BLCAP: variants seen among roughly 807,000 people sequenced by gnomAD.
The protein encoded by BLCAP is BLCAP apoptosis inducing factor, also known as apoptosis inducing factor BLCAP.
Under a neutral mutation model 5.7 loss-of-function variants are expected in BLCAP, and 1 was observed. The ratio of observed to expected loss-of-function variants is 0.18; its 90% CI spans 0.06 to 0.83. The LOEUF (loss-of-function observed/expected upper bound fraction) is 0.83, where lower values mean the gene tolerates loss of function less well. BLCAP is among the 40% of genes least tolerant of loss of function. The pLI is 0.71. For missense variants in BLCAP, 66 were observed against 107.6 expected, an observed-to-expected ratio of 0.61 and a Z score of 1.71; for synonymous variants, 48 against 49.4, an observed-to-expected ratio of 0.97 and a Z score of 0.11.
In BLCAP at chr20:37,521,595, T is replaced by C. The variant is rs905432328; in HGVS notation, c.-176-2245A>G. On this transcript the variant is annotated intron_variant, in intron 1 of 1. Transcript: ENST00000373537. The surrounding 1 kb of genome is among the most constrained non-coding windows in gnomAD (Gnocchi z 4.5). ...TGCGCCGTCCTCCTCGCGCTGACCC[T>C]CCCTAGTGCGCCCGCGCCTGCCAGG... is the stretch of plus-strand genomic sequence containing the variant. The C allele has an allele frequency of 8.4e-6, 5 of 591,806 alleles. No homozygotes were observed. Among genetic ancestry groups the C allele is most frequent in the Non-Finnish European group, 1.5e-5 (5 of 337,488 alleles). 36.7% of individuals were successfully genotyped at this position (591,806 alleles called of 1,614,324 possible).
At chr20:37,526,132 T>C (rs536881272) in intron 1 of BLCAP, among the ~76,000 whole-genome samples, 1 of 152,260 alleles carries the variant, frequency 6.6e-6, no homozygotes, top group South Asian at 2.1e-4. Flanking sequence ...CAGGGGCAAG[T>C]TCCTTGAGCT....
At chr20:37,526,593 T>C (rs956314410) in intron 1 of BLCAP, 1 of 152,024 alleles carries the variant, frequency 6.6e-6, no homozygotes, top group Admixed American at 6.6e-5. Flanking sequence ...GGAATGCATG[T>C]GTTTCAAAGA....
At chr20:37,525,771 T>C (rs1384490577) in intron 1 of BLCAP, among the ~76,000 whole-genome samples, 3 of 152,332 alleles carry the variant, frequency 2.0e-5, no homozygotes, top group Non-Finnish European at 2.9e-5. Flanking sequence ...ATGCGAAGAA[T>C]TGAAAATGAC....
At position 37,521,713 on chromosome 20, in the gene BLCAP, A is replaced by T; in HGVS notation, c.-176-2363T>A. The T allele has an allele frequency of 2.9e-6, 1 of 343,404 alleles. No individual in the cohort carries two copies. Among genetic ancestry groups the T allele is most frequent in the Admixed American group, 4.5e-5 (1 of 22,048 alleles). 21.3% of individuals were successfully genotyped at this position (343,404 alleles called of 1,614,324 possible). ...GGTAAGAAAAACCCGCTACACCCGG[A>T]CTCGACCCCAGGAGGGAGGCGGGGC... On this transcript the variant is annotated intron_variant, in intron 1 of 1. Transcript: ENST00000373537. This position sits in a 1 kb window ranked among gnomAD's most constrained non-coding sequence, Gnocchi z 4.5.
Position 37,518,915 on chromosome 20 carries a change from G to A in BLCAP, c.260C>T (p.Thr87Ile), listed in dbSNP as rs548584468. ...ESAHDPGVVG[T>I] ...GAAAGCTAACAGGGCAGGCCGTTAG[G>A]TGCCCACAACGCCGGGATCATGCGC... The change falls in exon 2 of 2, where the codon ACC becomes ATC. Residue 87 changes from threonine (T) to isoleucine (I), a missense_variant. Physicochemically the swap from Thr to Ile is moderately conservative, Grantham distance 89. Transcript: ENST00000373537. 1.9e-6 allele frequency: 3 copies of A among 1,614,124 alleles called. No individual in the cohort carries two copies. Among genetic ancestry groups the A allele is most frequent in the African/African-American group, 2.7e-5 (2 of 75,054 alleles).
chr20:37,518,701 A>G lies in BLCAP; in HGVS notation c.*210T>C. The G allele has an allele frequency of 2.8e-6, 2 of 707,834 alleles. No homozygotes were observed. Among genetic ancestry groups the G allele is most frequent in the Non-Finnish European group, 4.5e-6 (2 of 440,880 alleles). The allele number at this position is 707,834 out of a possible 1,614,324, so 43.8% of individuals were successfully genotyped here. On this transcript the variant is annotated 3_prime_UTR_variant, in exon 2 of 2. Coordinates refer to ENST00000373537, the MANE Select transcript of BLCAP (RefSeq NM_006698.4). ...TGGGGACAGAACACACACAACCACAAGACCACCCACGACTATAGGACTTTA... is the reference window on the plus strand; with the variant it reads ...TGGGGACAGAACACACACAACCACAGGACCACCCACGACTATAGGACTTTA...
At chr20:37,520,892 T>C (rs1568683699) in intron 1 of BLCAP, among the ~76,000 whole-genome samples, 1 of 151,948 alleles carries the variant, frequency 6.6e-6, no homozygotes, top group Non-Finnish European at 1.5e-5. Flanking sequence ...ATCCCCAAGG[T>C]AGGCTTTGGA....
At chr20:37,526,364 C>T (rs908266335) in intron 1 of BLCAP, among the ~76,000 whole-genome samples, 5 of 149,016 alleles carry the variant, frequency 3.4e-5, no homozygotes, top group African/African-American at 1.2e-4. Context: ...ATCTCTTTTC[C>T]CCCCGGTAAC....
In BLCAP at chr20:37,519,136, G is replaced by T; in HGVS notation, c.39C>A (p.Ile13=). 1 of 1,604,990 alleles carries T rather than the reference G, an allele frequency of 6.2e-7. No homozygotes were observed. The highest frequency in any genetic ancestry group is 8.5e-7 in the Non-Finnish European group (1 of 1,176,278). ...CLQWLLPVLL[I]PKPLNPALWF... Reference sequence around the variant, plus strand: ...ACAGGGCGGGGTTGAGGGGCTTGGGGATGAGGAGGACGGGCAGCAGCCACT... The same window carrying T: ...ACAGGGCGGGGTTGAGGGGCTTGGGTATGAGGAGGACGGGCAGCAGCCACT... The change falls in exon 2 of 2, where the codon ATC becomes ATA. Residue 13 remains isoleucine (I), a synonymous_variant. Coordinates refer to ENST00000373537, the MANE Select transcript of BLCAP (RefSeq NM_006698.4).
At chr20:37,522,543 G>A in intron 1 of BLCAP, 22 of 1,153,784 alleles carry the variant, frequency 1.9e-5, no homozygotes, top group Admixed American at 2.5e-5. Flanking sequence ...GCCCGCGCCC[G>A]CCTCTCCAGC....
intron 1 of BLCAP, 54 bp from the exon 2 acceptor site, chr20:37,519,404 CAAAAAAAAAAAAAAAAAAAGA>C (rs1000075729): frequency 3.3e-4 from 14 of 42,998 alleles, no homozygotes; most frequent in South Asian, 1.1e-3. Flanking sequence ...GACAGACAGA[CAAAAAAAAAAAAAAAAAAAGA>C]AAAAAAAAAA....
At chr20:37,523,289 C>T (rs2071655722) in intron 1 of BLCAP, 1 of 152,770 alleles carries the variant, frequency 6.5e-6, no homozygotes, top group South Asian at 2.1e-4. Context: ...CTCGCTGTCC[C>T]TTGCCCAGGG....
Position 37,518,749 on chromosome 20 carries a change from C to T in BLCAP, c.*162G>A. The T allele has an allele frequency of 1.0e-6, 1 of 992,768 alleles. No homozygotes were observed. The highest frequency in any genetic ancestry group is 1.5e-6 in the Non-Finnish European group (1 of 680,504). 61.5% of individuals were successfully genotyped at this position (992,768 alleles called of 1,614,324 possible). On this transcript the variant is annotated 3_prime_UTR_variant, in exon 2 of 2. Transcript: ENST00000373537. ...TTACAATAAAAGCACCGGTCAGTGCCATTATTCACATTGTAAGGATAAAAC... is the reference window on the plus strand; with the variant it reads ...TTACAATAAAAGCACCGGTCAGTGCTATTATTCACATTGTAAGGATAAAAC...
At chr20:37,524,636 C>T (rs1160509056) in intron 1 of BLCAP, 3 of 152,358 alleles carry the variant, frequency 2.0e-5, no homozygotes, top group African/African-American at 7.2e-5. Context: ...GCCACTTCTT[C>T]GAATCCCTTA....
At chr20:37,524,826 T>G (rs1237697030) in intron 1 of BLCAP, among the ~76,000 whole-genome samples, 4 of 152,120 alleles carry the variant, frequency 2.6e-5, no homozygotes, top group Non-Finnish European at 4.4e-5. Context: ...CAGATCCCGG[T>G]TCTGGTCTTG....
Position 37,521,209 on chromosome 20 carries a change from TGGCG to T in BLCAP, c.-176-1863_-176-1860del. ...CCCAAGGCGCGCATGCGCACTTAGG[TGGCG>T]GGCGGGTACTTAAGGCGCGGCCACC... On this transcript the variant is annotated intron_variant, in intron 1 of 1. Transcript: ENST00000373537. This position sits in a 1 kb window ranked among gnomAD's most constrained non-coding sequence, Gnocchi z 4.5. The T allele has an allele frequency of 1.0e-6, 1 of 955,180 alleles. No homozygotes were observed. The highest frequency in any genetic ancestry group is 1.7e-6 in the Non-Finnish European group (1 of 595,320). 59.2% of individuals were successfully genotyped at this position (955,180 alleles called of 1,614,324 possible).
intron 1 of BLCAP, among the ~76,000 whole-genome samples, chr20:37,525,026 C>T (rs1308307223): frequency 2.6e-5 from 4 of 152,186 alleles, no homozygotes; most frequent in Non-Finnish European, 5.9e-5. Context: ...CTTTCTTAGG[C>T]TGGGTGGCTA....
At chr20:37,525,492 A>C (rs1288135429) in intron 1 of BLCAP, among the ~76,000 whole-genome samples, 1 of 152,220 alleles carries the variant, frequency 6.6e-6, no homozygotes, top group Admixed American at 6.5e-5. Context: ...GAGTGTGGCA[A>C]GGTGAGATGA....
chr20:37,521,259 A>C lies in BLCAP; in HGVS notation c.-176-1909T>G. The C allele has an allele frequency of 6.6e-7, 1 of 1,523,680 alleles. No individual in the cohort carries two copies. The highest frequency in any genetic ancestry group is 9.1e-7 in the Non-Finnish European group (1 of 1,098,592). 94.4% of individuals were successfully genotyped at this position (1,523,680 alleles called of 1,614,324 possible). On this transcript the variant is annotated intron_variant, in intron 1 of 1. Coordinates refer to ENST00000373537, the MANE Select transcript of BLCAP (RefSeq NM_006698.4). The surrounding 1 kb of genome is among the most constrained non-coding windows in gnomAD (Gnocchi z 4.5). The stretch of plus-strand genomic sequence containing the variant: ...CCACCGCGGCTGCGGCAGTGCGCCC[A>C]ACAGCGGACTCCGAGACCAGCGGAT...
Sources: gnomAD v4.1 joint callset for allele counts (sites outside exome capture counted in the v4.1 genomes callset) on GRCh38, gnomAD v4.1.1 for gene constraint, Gnocchi (gnomAD v3.1) non-coding constraint, MANE v1.5 for transcripts, NCBI Gene and HGNC (gene_info 2026-07-23, HGNC 2026-07-21) for gene names.